The following KCNIP4 variants were observed in gnomAD, a reference collection of about 807,000 sequenced individuals.
KCNIP4 encodes Kv channel-interacting protein 4.
A neutral mutation model predicts 34.0 loss-of-function variants in KCNIP4; 12 were observed. That is an observed-to-expected ratio of 0.35 (90% CI 0.23 to 0.57). The LOEUF (loss-of-function observed/expected upper bound fraction) is 0.57, where lower values mean the gene tolerates loss of function less well. Among genes scored for constraint, KCNIP4 ranks in the 20% least tolerant of loss-of-function variants. The pLI is 0.83. For missense variants in KCNIP4, 238 were observed against 311.7 expected (o/e 0.76, Z 1.78); for synonymous variants, 124 against 102.2 (o/e 1.21, Z -1.29).
At chr4:21,402,477 A>C (rs752085870) in intron 1 of KCNIP4, among the ~76,000 whole-genome samples, 5 of 152,234 alleles carry the variant, frequency 3.3e-5, no homozygotes, top group Non-Finnish European at 7.3e-5. Flanking sequence ...AGCTGCTAAC[A>C]GGCCTTGTCA....
intron 3 of KCNIP4, among the ~76,000 whole-genome samples, chr4:20,790,751 G>T (rs781384044): frequency 2.6e-5 from 4 of 152,174 alleles, no homozygotes; most frequent in Admixed American, 6.5e-5. Context: ...GATTTAGCTG[G>T]CTGGAAAAAG....
In KCNIP4 at chr4:21,352,789, G is replaced by A. The variant is rs1344138866; in HGVS notation, c.62-470080C>T. 2.0e-5 allele frequency among the ~76,000 whole-genome samples: 3 copies of A among 152,186 alleles called. No homozygotes were observed. The East Asian group carries it at 5.8e-4, about 29-fold the overall frequency. On this transcript the variant is annotated intron_variant, in intron 1 of 8. Coordinates refer to ENST00000382152, the MANE Select transcript of KCNIP4 (RefSeq NM_025221.6). Reference sequence around the variant, plus strand: ...AGAGAGCAGTGGTTCTCCCAGCACAGCATTTGAGCTCTGAGAACAGACTGC... The same window carrying A: ...AGAGAGCAGTGGTTCTCCCAGCACAACATTTGAGCTCTGAGAACAGACTGC...
intron 1 of KCNIP4, among the ~76,000 whole-genome samples, chr4:21,595,211 A>C (rs1376480560): frequency 2.6e-5 from 4 of 152,078 alleles, no homozygotes; most frequent in African/African-American, 9.7e-5. Flanking sequence ...CTCACTGTTC[A>C]ACTCCCACTA....
chr4:21,106,776 C>T (rs1251867163), intron 1 of KCNIP4, among the ~76,000 whole-genome samples: 1 of 151,154 alleles, frequency 6.6e-6, no homozygotes, highest in Non-Finnish European at 1.5e-5. Flanking sequence ...TGAATGTGTC[C>T]CAGAGATTCT....
chr4:21,082,606 G>A (rs1317954247), intron 1 of KCNIP4, among the ~76,000 whole-genome samples: 3 of 151,476 alleles, frequency 2.0e-5, no homozygotes, highest in African/African-American at 7.3e-5. Flanking sequence ...ACAGTGTCTG[G>A]GGCAGGAGGA....
At chr4:21,807,142 T>C (rs936637818) in intron 1 of KCNIP4, among the ~76,000 whole-genome samples, 3 of 152,082 alleles carry the variant, frequency 2.0e-5, no homozygotes, top group Non-Finnish European at 4.4e-5. Context: ...CATGTGTCTA[T>C]GAGAATTTAA....
intron 3 of KCNIP4, among the ~76,000 whole-genome samples, chr4:20,794,498 C>G (rs1159624262): frequency 6.6e-6 from 1 of 152,110 alleles, no homozygotes; most frequent in Non-Finnish European, 1.5e-5. Flanking sequence ...ATTATGTACT[C>G]TATAATTCCA....
chr4:20,825,080 C>T (rs922446404), intron 3 of KCNIP4, among the ~76,000 whole-genome samples: 19 of 152,084 alleles, frequency 1.2e-4, no homozygotes, highest in Admixed American at 9.2e-4. Flanking sequence ...AGTATCTCAT[C>T]GTATTTCCCA....
chr4:21,726,437 G>A (rs562936443), intron 1 of KCNIP4, among the ~76,000 whole-genome samples: 1 of 152,302 alleles, frequency 6.6e-6, no homozygotes, highest in South Asian at 2.1e-4. Flanking sequence ...CGTAGCAGAG[G>A]AGGGTGAGTA....
chr4:21,166,755 A>G (rs1231092767), intron 1 of KCNIP4, among the ~76,000 whole-genome samples: 1 of 152,040 alleles, frequency 6.6e-6, no homozygotes, highest in African/African-American at 2.4e-5. Flanking sequence ...CCTTGCCAAC[A>G]TGGCAAAACC....
chr4:21,883,899 T>C (rs1405564219), intron 1 of KCNIP4, among the ~76,000 whole-genome samples: 5 of 152,132 alleles, frequency 3.3e-5, no homozygotes, highest in African/African-American at 1.2e-4. Flanking sequence ...AATGGCCCAA[T>C]AGAGACTTCT....
At chr4:21,477,746 A>G (rs1731106203) in intron 1 of KCNIP4, among the ~76,000 whole-genome samples, 1 of 152,206 alleles carries the variant, frequency 6.6e-6, no homozygotes, top group Non-Finnish European at 1.5e-5. Flanking sequence ...TGCACCATGT[A>G]CAGAAGGTGC....
intron 1 of KCNIP4, among the ~76,000 whole-genome samples, chr4:21,668,963 G>A (rs1430664011): frequency 6.6e-6 from 1 of 152,098 alleles, no homozygotes; most frequent in East Asian, 1.9e-4. Context: ...AGTTCCTACA[G>A]CTCTGCCACT....
At chr4:21,362,559 A>T (rs1169769835) in intron 1 of KCNIP4, among the ~76,000 whole-genome samples, 1 of 152,138 alleles carries the variant, frequency 6.6e-6, no homozygotes, top group Admixed American at 6.6e-5. Flanking sequence ...TATAGCTGGA[A>T]AACAAGATTA....
intron 1 of KCNIP4, among the ~76,000 whole-genome samples, chr4:21,877,721 C>A (rs1448312807): frequency 6.6e-6 from 1 of 152,210 alleles, no homozygotes; most frequent in African/African-American, 2.4e-5. Flanking sequence ...GATGACTAAT[C>A]TCCCTGCAGA....
chr4:21,184,912 T>C (rs1577850126), intron 1 of KCNIP4, among the ~76,000 whole-genome samples: 1 of 152,254 alleles, frequency 6.6e-6, no homozygotes, highest in East Asian at 1.9e-4. Context: ...AGATGGAAGT[T>C]GGGTTTGAGA....
At chr4:20,987,002 A>G (rs1245509704) in intron 1 of KCNIP4, among the ~76,000 whole-genome samples, 1 of 152,044 alleles carries the variant, frequency 6.6e-6, no homozygotes, top group Non-Finnish European at 1.5e-5. Context: ...GCTCTTTCAC[A>G]TGCACCCCCA....
At chr4:21,274,546 A>G (rs1762329292) in intron 1 of KCNIP4, among the ~76,000 whole-genome samples, 1 of 152,224 alleles carries the variant, frequency 6.6e-6, no homozygotes. Context: ...CATTACTACA[A>G]TGGAGAAATT....
intron 1 of KCNIP4, among the ~76,000 whole-genome samples, chr4:21,675,302 G>C (rs1040048863): frequency 2.0e-5 from 3 of 152,162 alleles, no homozygotes; most frequent in Non-Finnish European, 4.4e-5. Context: ...GGCTGGAAGG[G>C]AGAAGTTGTG....
Sources: allele counts gnomAD v4.1 joint callset (sites outside exome capture counted in the v4.1 genomes callset), GRCh38; gene constraint gnomAD v4.1.1; transcripts MANE v1.5; gene names NCBI Gene and HGNC (gene_info 2026-07-23, HGNC 2026-07-21).